EFNA5: variants seen among roughly 807,000 people sequenced by gnomAD.
EFNA5 encodes ephrin A5, also known as ephrin-A5.
EFNA5 carries 5 observed loss-of-function variants against 22.9 expected under a neutral mutation model. The ratio of observed to expected loss-of-function variants is 0.22; its 90% CI spans 0.11 to 0.46. The LOEUF (loss-of-function observed/expected upper bound fraction) is 0.46. Among genes scored for constraint, EFNA5 ranks in the 20% least tolerant of loss-of-function variants. The probability of loss-of-function intolerance (pLI) is 0.99; values close to 1 mark genes in which losing one functional copy is unlikely to be tolerated. For missense variants in EFNA5, 237 were observed against 293.3 expected, an observed-to-expected ratio of 0.81 and a Z score of 1.40; for synonymous variants, 113 against 112.2, an observed-to-expected ratio of 1.01 and a Z score of -0.04.
intron 1 of EFNA5, among the ~76,000 whole-genome samples, chr5:107,639,841 C>T (rs778034571): frequency 2.6e-5 from 4 of 151,790 alleles, no homozygotes; most frequent in South Asian, 2.1e-4. Flanking sequence ...AACTATAAAC[C>T]GACAATATTA....
chr5:107,460,308 T>C (rs762308548), intron 1 of EFNA5, among the ~76,000 whole-genome samples: 4 of 152,200 alleles, frequency 2.6e-5, no homozygotes, highest in Admixed American at 6.5e-5. Flanking sequence ...TCTAGCACCA[T>C]GGAGCAAAGG....
chr5:107,546,842 G>T (rs1748169566), intron 1 of EFNA5, among the ~76,000 whole-genome samples: 1 of 151,974 alleles, frequency 6.6e-6, no homozygotes, highest in Non-Finnish European at 1.5e-5. Context: ...TTGAGATCCG[G>T]TCATGTGACT....
intron 1 of EFNA5, among the ~76,000 whole-genome samples, chr5:107,493,076 T>C (rs1239438525): frequency 6.6e-6 from 1 of 151,898 alleles, no homozygotes; most frequent in Non-Finnish European, 1.5e-5. Flanking sequence ...CTTAAAAATA[T>C]ATACATTATT....
intron 1 of EFNA5, among the ~76,000 whole-genome samples, chr5:107,648,357 A>C (rs1001022146): frequency 6.6e-6 from 1 of 152,220 alleles, no homozygotes; most frequent in African/African-American, 2.4e-5. Context: ...CTTATATTGC[A>C]TAATTGTTTG....
At chr5:107,646,732 G>A (rs1317946067) in intron 1 of EFNA5, among the ~76,000 whole-genome samples, 1 of 152,122 alleles carries the variant, frequency 6.6e-6, no homozygotes, top group Non-Finnish European at 1.5e-5. Flanking sequence ...TTTACATGGT[G>A]AGGGGGATAC....
At chr5:107,454,454 G>T (rs964357721) in intron 1 of EFNA5, among the ~76,000 whole-genome samples, 1 of 151,998 alleles carries the variant, frequency 6.6e-6, no homozygotes, top group South Asian at 2.1e-4. Flanking sequence ...GCTTTACTTT[G>T]TGATTGTCTG....
At chr5:107,491,312 C>CTCCT (rs934649269) in intron 1 of EFNA5, among the ~76,000 whole-genome samples, 5 of 152,182 alleles carry the variant, frequency 3.3e-5, no homozygotes, top group Non-Finnish European at 7.3e-5. Flanking sequence ...CCCTCCCTCC[C>CTCCT]TCCTTCCTCC....
intron 1 of EFNA5, among the ~76,000 whole-genome samples, chr5:107,531,446 A>G (rs563440371): frequency 1.1e-4 from 17 of 152,342 alleles, no homozygotes; most frequent in African/African-American, 3.8e-4. Flanking sequence ...GCCTAAAAAA[A>G]CTGGAGACAT....
chr5:107,446,124 A>C (rs888756164), intron 1 of EFNA5, among the ~76,000 whole-genome samples: 1 of 152,228 alleles, frequency 6.6e-6, no homozygotes, highest in African/African-American at 2.4e-5. Flanking sequence ...ACATCAGAAC[A>C]TAACACCTCA....
chr5:107,402,655 C>G (rs1354992029), intron 2 of EFNA5, among the ~76,000 whole-genome samples: 1 of 152,206 alleles, frequency 6.6e-6, no homozygotes, highest in African/African-American at 2.4e-5. Flanking sequence ...ACTGTATACG[C>G]ACCTTCCATT....
At chr5:107,571,158 G>A (rs1453807733) in intron 1 of EFNA5, among the ~76,000 whole-genome samples, 1 of 152,148 alleles carries the variant, frequency 6.6e-6, no homozygotes, top group Non-Finnish European at 1.5e-5. Flanking sequence ...GAGGGCTTAG[G>A]GGCCTACAGA....
chr5:107,615,226 A>G (rs1349241879), intron 1 of EFNA5, among the ~76,000 whole-genome samples: 1 of 152,164 alleles, frequency 6.6e-6, no homozygotes, highest in East Asian at 1.9e-4. Context: ...GTCAGACTAA[A>G]GTAGCATATT....
chr5:107,489,199 A>G (rs1580488342), intron 1 of EFNA5, among the ~76,000 whole-genome samples: 1 of 151,574 alleles, frequency 6.6e-6, no homozygotes, highest in East Asian at 2.0e-4. Context: ...ATTTAGATGG[A>G]GTCTTGCTCT....
intron 1 of EFNA5, among the ~76,000 whole-genome samples, chr5:107,577,445 T>A (rs924726042): frequency 1.3e-5 from 2 of 151,858 alleles, no homozygotes; most frequent in Non-Finnish European, 2.9e-5. Context: ...GAAAACCCAG[T>A]GAAGGTTCAG....
chr5:107,542,561 G>T (rs910837019), intron 1 of EFNA5, among the ~76,000 whole-genome samples: 3 of 152,068 alleles, frequency 2.0e-5, no homozygotes, highest in Middle Eastern at 3.4e-3. Flanking sequence ...ATAAGGGGGG[G>T]GTGCGGGGAG....
intron 1 of EFNA5, among the ~76,000 whole-genome samples, chr5:107,569,205 C>T (rs1748722147): frequency 6.6e-6 from 1 of 151,824 alleles, no homozygotes; most frequent in South Asian, 2.1e-4. Flanking sequence ...CCACAAGAGT[C>T]TCACAATGGT....
At chr5:107,539,175 C>G (rs1285565713) in intron 1 of EFNA5, among the ~76,000 whole-genome samples, 4 of 152,192 alleles carry the variant, frequency 2.6e-5, no homozygotes, top group Admixed American at 1.3e-4. Context: ...GATAATCATG[C>G]CCTACATGCC....
At chr5:107,579,988 T>C (rs994515639) in intron 1 of EFNA5, among the ~76,000 whole-genome samples, 6 of 152,208 alleles carry the variant, frequency 3.9e-5, no homozygotes, top group African/African-American at 1.4e-4. Context: ...ATCCATAGCA[T>C]TTCCTGGACT....
chr5:107,454,209 A>G (rs989691139), intron 1 of EFNA5, among the ~76,000 whole-genome samples: 9 of 152,208 alleles, frequency 5.9e-5, no homozygotes, highest in African/African-American at 2.2e-4. Flanking sequence ...TTGAAGTCAT[A>G]CAATTCTACA....
Sources: gnomAD v4.1 joint callset for allele counts (sites outside exome capture counted in the v4.1 genomes callset) on GRCh38, gnomAD v4.1.1 for gene constraint, MANE v1.5 for transcripts, NCBI Gene and HGNC (gene_info 2026-07-23, HGNC 2026-07-21) for gene names.